THADA: variants seen among roughly 807,000 people sequenced by gnomAD.
THADA encodes the protein tRNA (32-2'-O)-methyltransferase regulator THADA.
In THADA, 213 loss-of-function variants were observed where a neutral mutation model predicts 219.8. The ratio of observed to expected loss-of-function variants is 0.97; its 90% CI spans 0.87 to 1.09. The LOEUF (loss-of-function observed/expected upper bound fraction) is 1.09. Among genes scored for constraint, THADA ranks in the 50% least tolerant of loss-of-function variants. The probability of loss-of-function intolerance (pLI) is 0.00; values close to 1 mark genes in which losing one functional copy is unlikely to be tolerated. For synonymous variants in THADA, 1,018 were observed against 828.9 expected, an observed-to-expected ratio of 1.23 and a Z score of -3.92; for missense variants, 2,956 against 2,311.3, an observed-to-expected ratio of 1.28 and a Z score of -5.72.
chr2:43,276,687 C>G (rs959384410), intron 36 of THADA, among the ~76,000 whole-genome samples: 2 of 152,146 alleles, frequency 1.3e-5, no homozygotes, highest in Non-Finnish European at 2.9e-5. Flanking sequence ...GTTCCCACAG[C>G]AGATAAAGGT....
In THADA at chr2:43,570,516, G is replaced by C; in HGVS notation, c.2065-6C>G. 6.2e-7 allele frequency: 1 copy of C among 1,602,554 alleles called. No individual in the cohort carries two copies. Among genetic ancestry groups the C allele is most frequent in the Non-Finnish European group, 8.5e-7 (1 of 1,176,704 alleles). On this transcript the variant is annotated splice_region_variant and splice_polypyrimidine_tract_variant and intron_variant, in intron 13 of 37. Transcript: ENST00000405975. ...TCCTGTATCCTACAAAACAACTTTTGAAACAAAGGAAATGAAGCACAGGTG... is the reference window on the plus strand; with the variant it reads ...TCCTGTATCCTACAAAACAACTTTTCAAACAAAGGAAATGAAGCACAGGTG...
intron 26 of THADA, among the ~76,000 whole-genome samples, chr2:43,448,472 G>A (rs1270800740): frequency 6.6e-6 from 1 of 151,080 alleles, no homozygotes; most frequent in African/African-American, 2.4e-5. Context: ...AGCCATTGTT[G>A]CAACCCTCTT....
chr2:43,553,195 A>G (rs1479442068), intron 17 of THADA, among the ~76,000 whole-genome samples: 2 of 152,198 alleles, frequency 1.3e-5, no homozygotes, highest in Non-Finnish European at 2.9e-5. Flanking sequence ...TATTACAAAT[A>G]ATGTTGCTAT....
intron 22 of THADA, among the ~76,000 whole-genome samples, chr2:43,512,951 G>C (rs1247267045): frequency 6.6e-6 from 1 of 152,192 alleles, no homozygotes; most frequent in Non-Finnish European, 1.5e-5. Flanking sequence ...CAAACTATGA[G>C]AAAGTTATTT....
intron 29 of THADA, among the ~76,000 whole-genome samples, chr2:43,388,885 G>C (rs191633194): frequency 7.3e-5 from 11 of 151,288 alleles, no homozygotes; most frequent in Non-Finnish European, 5.9e-5. Context: ...TTTAGCTCAA[G>C]GTCTTTTACT....
At chr2:43,529,379 G>A (rs1052970121) in intron 21 of THADA, among the ~76,000 whole-genome samples, 2 of 151,930 alleles carry the variant, frequency 1.3e-5, no homozygotes, top group African/African-American at 2.4e-5. Flanking sequence ...ATGTTGCCTC[G>A]GCTTAAGTAC....
At chr2:43,566,635 G>A (rs1198172033) in intron 15 of THADA, 63 bp downstream of exon 15, 8 of 1,552,440 alleles carry the variant, frequency 5.2e-6, no homozygotes, top group South Asian at 1.1e-5. Flanking sequence ...AAAGCAAAAT[G>A]TAGAATAAGT....
At chr2:43,335,554 T>C (rs1344631849) in intron 30 of THADA, among the ~76,000 whole-genome samples, 1 of 152,170 alleles carries the variant, frequency 6.6e-6, no homozygotes, top group African/African-American at 2.4e-5. Context: ...ACTGAAGTAG[T>C]GGTTTTAATA....
chr2:43,233,591 G>T (rs966938277), intron 36 of THADA, among the ~76,000 whole-genome samples: 1 of 152,128 alleles, frequency 6.6e-6, no homozygotes, highest in Non-Finnish European at 1.5e-5. Context: ...CCTCTGTCTC[G>T]GAGTTTTTTG....
intron 7 of THADA, among the ~76,000 whole-genome samples, chr2:43,583,655 C>G (rs1273154715): frequency 6.6e-6 from 1 of 152,114 alleles, no homozygotes; most frequent in Non-Finnish European, 1.5e-5. Flanking sequence ...AAGGTAGAAA[C>G]AGATCAAATT....
intron 29 of THADA, among the ~76,000 whole-genome samples, chr2:43,384,363 G>C (rs988221863): frequency 7.4e-6 from 1 of 135,342 alleles, no homozygotes; most frequent in African/African-American, 2.7e-5. Context: ...GGGATTACAG[G>C]CTAGGGTACA....
rs1674305987 is a variant in THADA, at chr2:43,398,059, G to A, written c.4139C>T (p.Pro1380Leu). The A allele has an allele frequency of 6.2e-7, 1 of 1,614,000 alleles. No individual in the cohort carries two copies. Among genetic ancestry groups the A allele is most frequent in the East Asian group, 2.2e-5 (1 of 44,888 alleles). Residue 1380 changes from proline (P) to leucine (L), a missense_variant, in exon 29 of 38, where the codon CCT becomes CTT. Transcript: ENST00000405975. ...LVPFVMIDHI[P>L]NTIRTLLSTL... is the part of the protein sequence containing the mutation. ...GGACAACAGAGTTCGAATGGTATTAGGAATGTGATCTATCATAACAAATGG... is the reference window on the plus strand; with the variant it reads ...GGACAACAGAGTTCGAATGGTATTAAGAATGTGATCTATCATAACAAATGG...
At chr2:43,422,339 G>C (rs1205247538) in intron 28 of THADA, among the ~76,000 whole-genome samples, 1 of 152,152 alleles carries the variant, frequency 6.6e-6, no homozygotes, top group Non-Finnish European at 1.5e-5. Flanking sequence ...GTCTTCTCCA[G>C]TCTAACTGTT....
rs755352135 is a variant in THADA, at chr2:43,586,659, C to T, written c.484+43G>A. 247 of 1,584,584 alleles carry T rather than the reference C, an allele frequency of 1.6e-4. 3 individuals are homozygous for T. The South Asian group carries it at 2.7e-3, about 17-fold the overall frequency. On this transcript the variant is annotated intron_variant, in intron 6 of 37. Coordinates refer to ENST00000405975, the MANE Select transcript of THADA (RefSeq NM_022065.5). ...AGAGCCAGTTCCAAAATGACTCATACAAGCCATCAACTCATGGAACAAAAT... is the reference window on the plus strand; with the variant it reads ...AGAGCCAGTTCCAAAATGACTCATATAAGCCATCAACTCATGGAACAAAAT...
intron 34 of THADA, among the ~76,000 whole-genome samples, chr2:43,288,403 A>T (rs1455572022): frequency 6.6e-6 from 1 of 152,244 alleles, no homozygotes; most frequent in East Asian, 1.9e-4. Context: ...GGGAGACAGA[A>T]TGAGACTCCA....
At chr2:43,486,193 A>G (rs1686901131) in intron 25 of THADA, among the ~76,000 whole-genome samples, 1 of 152,246 alleles carries the variant, frequency 6.6e-6, no homozygotes, top group South Asian at 2.1e-4. Flanking sequence ...TTCACAATGC[A>G]AGTAACTTAC....
intron 28 of THADA, among the ~76,000 whole-genome samples, chr2:43,419,583 T>C (rs1030738589): frequency 6.6e-6 from 1 of 152,210 alleles, no homozygotes; most frequent in African/African-American, 2.4e-5. Flanking sequence ...AATTCTTATT[T>C]TCTTCTGGAA....
chr2:43,456,630 C>T (rs1683030014), intron 26 of THADA, among the ~76,000 whole-genome samples: 1 of 151,828 alleles, frequency 6.6e-6, no homozygotes, highest in South Asian at 2.1e-4. Context: ...ATAATAGTGC[C>T]TACTTAGTGG....
intron 29 of THADA, among the ~76,000 whole-genome samples, chr2:43,364,347 A>G (rs1433243718): frequency 6.6e-6 from 1 of 152,236 alleles, no homozygotes; most frequent in Non-Finnish European, 1.5e-5. Flanking sequence ...TATTACTCTA[A>G]AACGATTTTT....
Sources: gnomAD v4.1 joint callset for allele counts (sites outside exome capture counted in the v4.1 genomes callset) on GRCh38, gnomAD v4.1.1 for gene constraint, MANE v1.5 for transcripts, NCBI Gene and HGNC (gene_info 2026-07-23, HGNC 2026-07-21) for gene names.